CHEK2: variants seen among roughly 807,000 people sequenced by gnomAD.
CHEK2 encodes checkpoint kinase 2.
In CHEK2, 71 loss-of-function variants were observed where a neutral mutation model predicts 69.1. That is an observed-to-expected ratio of 1.03 (90% CI 0.85 to 1.25). The LOEUF (loss-of-function observed/expected upper bound fraction) is 1.25, where lower values mean the gene tolerates loss of function less well. Ranked by LOEUF, CHEK2 falls within the 50% of genes most tolerant of loss-of-function variation. The pLI is 0.00. For missense variants in CHEK2, 664 were observed against 649.6 expected (o/e 1.02, Z -0.24); for synonymous variants, 189 against 226.9 (o/e 0.83, Z 1.50).
chr22:28,739,646 G>A (rs904685698), intron 1 of CHEK2, among the ~76,000 whole-genome samples: 3 of 151,580 alleles, frequency 2.0e-5, no homozygotes, highest in Non-Finnish European at 2.9e-5. Context: ...CCAAAATCGC[G>A]CCACTGCATT....
intron 8 of CHEK2, among the ~76,000 whole-genome samples, chr22:28,702,141 G>GTGTGTGTGTC (rs1555916261): frequency 7.0e-6 from 1 of 142,498 alleles, no homozygotes; most frequent in Non-Finnish European, 1.6e-5. Flanking sequence ...GTGTCTGTGT[G>GTGTGTGTGTC]TGTGTGTGTG....
At chr22:28,733,796 G>A (rs1333658010) in intron 2 of CHEK2, among the ~76,000 whole-genome samples, 1 of 151,928 alleles carries the variant, frequency 6.6e-6, no homozygotes, top group Non-Finnish European at 1.5e-5. Context: ...GTGTGTGTCT[G>A]TAATCCCAGC....
intron 2 of CHEK2, among the ~76,000 whole-genome samples, chr22:28,726,909 C>T (rs2054031617): frequency 6.6e-6 from 1 of 150,618 alleles, no homozygotes; most frequent in Admixed American, 6.7e-5. Context: ...CCCAAGAATG[C>T]TGGGTTCAAT....
intron 7 of CHEK2, among the ~76,000 whole-genome samples, chr22:28,709,771 C>T (rs1047429196): frequency 2.0e-5 from 3 of 152,128 alleles, no homozygotes; most frequent in Admixed American, 6.5e-5. Context: ...CATGTGCCAC[C>T]ATGCCCAGCT....
At chr22:28,702,518 G>A (rs931081708) in intron 8 of CHEK2, among the ~76,000 whole-genome samples, 5 of 145,204 alleles carry the variant, frequency 3.4e-5, no homozygotes, top group African/African-American at 1.3e-4. Context: ...GATTACAGAT[G>A]TGAGCCACTG....
chr22:28,715,365 C>A (rs1170702313), intron 5 of CHEK2, among the ~76,000 whole-genome samples: 1 of 151,754 alleles, frequency 6.6e-6, no homozygotes, highest in Non-Finnish European at 1.5e-5. Flanking sequence ...TCCAGCCATG[C>A]CTGAAGTAAG....
At chr22:28,724,059 T>C (rs533384885) in intron 4 of CHEK2, among the ~76,000 whole-genome samples, 1 of 152,360 alleles carries the variant, frequency 6.6e-6, no homozygotes, top group African/African-American at 2.4e-5. Flanking sequence ...ACTGATGTGG[T>C]ATAAACTGAA....
chr22:28,689,387 C>T (rs1353278810), intron 13 of CHEK2, 172 bp from the exon 14 acceptor site: 2 of 674,202 alleles, frequency 3.0e-6, no homozygotes, highest in Non-Finnish European at 5.5e-6. Context: ...CTCTACCTTC[C>T]CAGAGGAGTC....
At chr22:28,715,010 TG>T (rs35363328) in intron 5 of CHEK2, among the ~76,000 whole-genome samples, 1 of 152,144 alleles carries the variant, frequency 6.6e-6, no homozygotes, top group Non-Finnish European at 1.5e-5. Context: ...AAAACTGAGC[TG>T]GAGCAGTGAG....
intron 13 of CHEK2, 197 bp from the exon 14 acceptor site, chr22:28,689,412 T>C: frequency 5.0e-6 from 3 of 602,078 alleles, no homozygotes; most frequent in Non-Finnish European, 9.3e-6. Context: ...TAGCAGTCAA[T>C]GCTCCATCAA....
chr22:28,712,142 G>T, intron 5 of CHEK2, 125 bp from the exon 6 acceptor site: 1 of 701,802 alleles, frequency 1.4e-6, no homozygotes, highest in Non-Finnish European at 2.5e-6. Context: ...CATTGTCCCT[G>T]TTTGCAGAGG....
intron 4 of CHEK2, among the ~76,000 whole-genome samples, chr22:28,723,274 A>G (rs936974973): frequency 6.6e-6 from 1 of 152,210 alleles, no homozygotes; most frequent in Non-Finnish European, 1.5e-5. Flanking sequence ...CTCTTACAGA[A>G]GCACTCACAG....
chr22:28,740,756 T>C (rs547298999), intron 1 of CHEK2, among the ~76,000 whole-genome samples: 1 of 152,278 alleles, frequency 6.6e-6, no homozygotes, highest in East Asian at 1.9e-4. Context: ...AAGACACAAA[T>C]GTGCATGGAC....
chr22:28,711,034 TA>T (rs1254446342), intron 6 of CHEK2, among the ~76,000 whole-genome samples: 2 of 152,014 alleles, frequency 1.3e-5, no homozygotes, highest in Non-Finnish European at 2.9e-5. Flanking sequence ...TGGCATTGTC[TA>T]GGGGGAAAAA....
chr22:28,689,780 T>C (rs1229813042), intron 13 of CHEK2, among the ~76,000 whole-genome samples: 7 of 152,188 alleles, frequency 4.6e-5, no homozygotes, highest in Non-Finnish European at 7.3e-5. Context: ...ATTTTGTTTC[T>C]GCTGCAGGAG....
intron 1 of CHEK2, 22 bp from the exon 2 acceptor site, chr22:28,734,749 A>C (rs576904982): frequency 6.2e-7 from 1 of 1,606,966 alleles, no homozygotes; most frequent in Non-Finnish European, 8.5e-7. Context: ...AGTGTCCAAC[A>C]ACAAAGGTGA....
intron 7 of CHEK2, among the ~76,000 whole-genome samples, chr22:28,704,657 C>G (rs888046755): frequency 6.6e-6 from 1 of 152,064 alleles, no homozygotes; most frequent in African/African-American, 2.4e-5. Context: ...TTTTACGATA[C>G]AGAAGTCAGA....
chr22:28,726,788 T>A, intron 2 of CHEK2, among the ~76,000 whole-genome samples: 1 of 143,118 alleles, frequency 7.0e-6, no homozygotes, highest in Admixed American at 7.5e-5. Flanking sequence ...GCACTCTTCC[T>A]CATGGCCTAC....
Position 28,735,682 on chromosome 22 carries a change from G to C in CHEK2, c.-6-955C>G, listed in dbSNP as rs530808428. On this transcript the variant is annotated intron_variant, in intron 1 of 14. Transcript: ENST00000404276. ...AGATCACCTGAGATCAGGAGTTCAAGACCAGCCTGGCCAACACAGTCAAAC... is the reference window on the plus strand; with the variant it reads ...AGATCACCTGAGATCAGGAGTTCAACACCAGCCTGGCCAACACAGTCAAAC... 2.6e-5 allele frequency among the ~76,000 whole-genome samples: 4 copies of C among 151,878 alleles called. No individual in the cohort carries two copies. The East Asian group carries it at 7.8e-4, about 30-fold the overall frequency.
Sources: gnomAD v4.1 joint callset for allele counts (sites outside exome capture counted in the v4.1 genomes callset) on GRCh38, gnomAD v4.1.1 for gene constraint, MANE v1.5 for transcripts, NCBI Gene and HGNC (gene_info 2026-07-23, HGNC 2026-07-21) for gene names.